The following INPP5B variants were observed in gnomAD, a reference collection of about 807,000 sequenced individuals.
The protein encoded by INPP5B is inositol polyphosphate-5-phosphatase B, also known as type II inositol 1,4,5-trisphosphate 5-phosphatase.
A neutral mutation model predicts 118.5 loss-of-function variants in INPP5B; 90 were observed. The ratio of observed to expected loss-of-function variants is 0.76; its 90% CI spans 0.64 to 0.90. The LOEUF is 0.90. Ranked by LOEUF, INPP5B falls within the 40% of genes least tolerant of loss-of-function variation. The pLI is 0.00. For missense variants in INPP5B, 984 were observed against 1,125.6 expected (o/e 0.87, Z 1.80); for synonymous variants, 385 against 418.9 (o/e 0.92, Z 0.99).
At chr1:37,934,565 G>A (rs1240722036) in intron 6 of INPP5B, among the ~76,000 whole-genome samples, 2 of 152,124 alleles carry the variant, frequency 1.3e-5, no homozygotes, top group African/African-American at 2.4e-5. Context: ...TGCCTCTAGT[G>A]CCTCTAGTAA....
intron 7 of INPP5B, among the ~76,000 whole-genome samples, chr1:37,918,100 C>A (rs569068361): frequency 2.3e-4 from 35 of 152,232 alleles, no homozygotes; most frequent in Admixed American, 2.0e-3. Flanking sequence ...TCTCCTTGGC[C>A]CCCCAGAGAG....
At chr1:37,896,064 T>C (rs1337928827) in intron 7 of INPP5B, among the ~76,000 whole-genome samples, 2 of 142,554 alleles carry the variant, frequency 1.4e-5, no homozygotes, top group Non-Finnish European at 3.0e-5. Flanking sequence ...ATCTAGGAAG[T>C]GAGGAGCGCC....
At chr1:37,903,520 A>T (rs564686346) in intron 7 of INPP5B, among the ~76,000 whole-genome samples, 2 of 152,282 alleles carry the variant, frequency 1.3e-5, no homozygotes, top group African/African-American at 4.8e-5. Flanking sequence ...AGGTCAGGAG[A>T]TTGAGACCAT....
rs759193579 is a variant in INPP5B, at chr1:37,865,895, G to A, written c.2387-7C>T. The stretch of plus-strand genomic sequence containing the variant: ...ACAGAATGATTGCTGGCAGCTTTTG[G>A]CCCCATTGTTAAGGAACCGATAATG... On this transcript the variant is annotated splice_polypyrimidine_tract_variant and splice_region_variant and intron_variant, in intron 21 of 23. Transcript: ENST00000373024. 14 of 1,611,912 alleles carry A rather than the reference G, an allele frequency of 8.7e-6. No homozygotes were observed. The highest frequency in any genetic ancestry group is 1.7e-5 in the Admixed American group (1 of 59,938).
rs774399659 is a variant in INPP5B at position 37,943,873 on chromosome 1, C to T, written c.173G>A (p.Arg58Gln). 20 of 1,613,770 alleles carry T rather than the reference C, an allele frequency of 1.2e-5. No individual in the cohort carries two copies. Among genetic ancestry groups the T allele is most frequent in the South Asian group, 5.5e-5 (5 of 91,064 alleles). Residue 58 changes from arginine to glutamine, a missense_variant, in exon 4 of 24, where the codon CGG (arginine) becomes CAG (glutamine). Coordinates refer to ENST00000373024, the MANE Select transcript of INPP5B (RefSeq NM_005540.3). ...ATCGTCCCCGGTAATGGCCATCCTC[C>T]GGTGCGTATAGAGGAAGAGACTAAG... ...QEHALFLYTH[R>Q]RMAITGDDVS...
At chr1:37,891,053 C>A (rs902940289) in intron 8 of INPP5B, among the ~76,000 whole-genome samples, 8 of 151,758 alleles carry the variant, frequency 5.3e-5, no homozygotes, top group African/African-American at 1.9e-4. Flanking sequence ...ATGGAGAAAA[C>A]CCATCTCTAT....
chr1:37,921,602 T>A (rs1645056220), intron 7 of INPP5B, among the ~76,000 whole-genome samples: 1 of 152,154 alleles, frequency 6.6e-6, no homozygotes, highest in African/African-American at 2.4e-5. Flanking sequence ...ATCTCCACAC[T>A]TTGGGAGGCT....
chr1:37,931,266 A>AC (rs1327406217), intron 7 of INPP5B: 1 of 422,628 alleles, frequency 2.4e-6, no homozygotes. Context: ...ACCATACCTC[A>AC]CCCAAAGGAA....
intron 20 of INPP5B, 113 bp downstream of exon 20, chr1:37,868,388 T>A (rs1642183311): frequency 1.6e-6 from 1 of 621,368 alleles, no homozygotes. Context: ...CTTCCTCCCC[T>A]CCCTGGGTGA....
chr1:37,914,399 T>G (rs1453400738), intron 7 of INPP5B, among the ~76,000 whole-genome samples: 1 of 152,108 alleles, frequency 6.6e-6, no homozygotes, highest in African/African-American at 2.4e-5. Flanking sequence ...CCGGTAACAA[T>G]TTTTGGAACA....
At chr1:37,900,491 G>C (rs1305379890) in intron 7 of INPP5B, among the ~76,000 whole-genome samples, 1 of 151,596 alleles carries the variant, frequency 6.6e-6, no homozygotes, top group Non-Finnish European at 1.5e-5. Flanking sequence ...CTGACTTCAT[G>C]ATCCGCCCGC....
At position 37,882,969 on chromosome 1, in the gene INPP5B, G is replaced by C. The variant is rs78987221; in HGVS notation, c.1320-51C>G. On this transcript the variant is annotated intron_variant, in intron 13 of 23. Coordinates refer to ENST00000373024, the MANE Select transcript of INPP5B (RefSeq NM_005540.3). ...CAGGGTTTAGGAGGAACTTTAACCT[G>C]ATCTACCCAGGGTGCTTCTGACAAA... The C allele has an allele frequency of 7.0e-3, 11,269 of 1,609,046 alleles. 41 individuals are homozygous for C. The highest frequency in any genetic ancestry group is 8.6e-3 in the Non-Finnish European group (10,119 of 1,177,448).
chr1:37,922,627 C>T (rs1175685961), intron 7 of INPP5B, among the ~76,000 whole-genome samples: 1 of 151,976 alleles, frequency 6.6e-6, no homozygotes, highest in Non-Finnish European at 1.5e-5. Flanking sequence ...ACCCAGGAGG[C>T]GGAGCTTGCA....
chr1:37,943,727 C>G (rs369418327), intron 4 of INPP5B, 58 bp from the exon 5 acceptor site: 17 of 1,612,148 alleles, frequency 1.1e-5, no homozygotes, highest in Non-Finnish European at 1.4e-5. Flanking sequence ...CCTTGCCCCC[C>G]CATCAAGGAC....
Position 37,943,645 on chromosome 1 carries a change from A to T in INPP5B, c.275T>A (p.Ile92Asn), listed in dbSNP as rs201533855. 1,224 of 1,614,006 alleles carry T rather than the reference A, an allele frequency of 7.6e-4. 5 individuals are homozygous for T. Among genetic ancestry groups the T allele is most frequent in the Non-Finnish European group, 5.1e-4 (602 of 1,179,950 alleles). ...AGACCAAGAGGACCACTCACCAAGGATGTAGAGTTCACCATCTGGGGACAC... is the reference window on the plus strand; with the variant it reads ...AGACCAAGAGGACCACTCACCAAGGTTGTAGAGTTCACCATCTGGGGACAC... ...EEVSPDGELY[I>N]LGSDVTVQLD... is the part of the protein sequence containing the mutation. Residue 92 changes from isoleucine to asparagine, a missense_variant, in exon 5 of 24, where the codon ATC becomes AAC. Physicochemically the swap from Ile to Asn is moderately radical, Grantham distance 149 (BLOSUM62 -3). Transcript: ENST00000373024.
At chr1:37,945,924 T>C (rs1646095642) in intron 2 of INPP5B, 74 bp from the exon 3 acceptor site, 2 of 1,360,406 alleles carry the variant, frequency 1.5e-6, no homozygotes, top group African/African-American at 2.9e-5. Flanking sequence ...ACCTTCCCTC[T>C]GTTCCCCTGC....
At chr1:37,912,146 T>C (rs1644721468) in intron 7 of INPP5B, among the ~76,000 whole-genome samples, 1 of 152,198 alleles carries the variant, frequency 6.6e-6, no homozygotes, top group African/African-American at 2.4e-5. Context: ...TTCCCAGCCA[T>C]ATGAAGACAC....
At chr1:37,875,543 C>T in intron 17 of INPP5B, 63 bp downstream of exon 17, 5 of 1,275,944 alleles carry the variant, frequency 3.9e-6, no homozygotes, top group Non-Finnish European at 4.6e-6. Context: ...GCTGGGATTA[C>T]AGGCGTGAGC....
chr1:37,883,898 A>C (rs760775364), intron 13 of INPP5B: 5 of 962,222 alleles, frequency 5.2e-6, no homozygotes, highest in Admixed American at 6.2e-5. Flanking sequence ...ATGTTATCAT[A>C]AAGTCTAAAA....
Sources: gnomAD v4.1 joint callset for allele counts (sites outside exome capture counted in the v4.1 genomes callset) on GRCh38, gnomAD v4.1.1 for gene constraint, MANE v1.5 for transcripts, NCBI Gene and HGNC (gene_info 2026-07-23, HGNC 2026-07-21) for gene names.